The following CDH10 variants were observed in gnomAD, a reference collection of about 807,000 sequenced individuals.
CDH10 encodes cadherin-10.
In CDH10, 30 loss-of-function variants were observed where a neutral mutation model predicts 73.1. That is an observed-to-expected ratio of 0.41 (90% confidence interval 0.31 to 0.56). CDH10 has a LOEUF of 0.56. CDH10 is among the 20% of genes least tolerant of loss of function. The pLI, the probability that CDH10 is intolerant of heterozygous loss-of-function variation, is 0.27. For missense variants in CDH10, 815 were observed against 973.7 expected (o/e 0.84, Z 2.17); for synonymous variants, 345 against 348.2 (o/e 0.99, Z 0.10).
intron 8 of CDH10, among the ~76,000 whole-genome samples, chr5:24,501,942 G>A (rs1329438111): frequency 1.3e-5 from 2 of 151,404 alleles, no homozygotes; most frequent in South Asian, 2.1e-4. Flanking sequence ...TTTTTTAGAG[G>A]GAATCTCACT....
intron 7 of CDH10, among the ~76,000 whole-genome samples, chr5:24,508,437 A>C (rs1742775917): frequency 1.5e-5 from 2 of 136,650 alleles, no homozygotes. Context: ...ATAAATAAAC[A>C]TAAAACAGAA....
At chr5:24,525,009 T>C (rs1301700762) in intron 5 of CDH10, among the ~76,000 whole-genome samples, 1 of 152,108 alleles carries the variant, frequency 6.6e-6, no homozygotes, top group Non-Finnish European at 1.5e-5. Context: ...TACTGCCAAT[T>C]TGTGTACAAG....
chr5:24,635,598 G>A (rs1453903864), intron 1 of CDH10, among the ~76,000 whole-genome samples: 2 of 150,230 alleles, frequency 1.3e-5, no homozygotes, highest in East Asian at 2.0e-4. Context: ...TCCTCCTCTC[G>A]AGTCTTTCCT....
chr5:24,578,104 G>A (rs1376702362), intron 2 of CDH10, among the ~76,000 whole-genome samples: 7 of 152,152 alleles, frequency 4.6e-5, no homozygotes, highest in Non-Finnish European at 8.8e-5. Flanking sequence ...AGAGGGAGCA[G>A]AAGAGTGAAG....
intron 1 of CDH10, among the ~76,000 whole-genome samples, chr5:24,622,968 C>G (rs1290876357): frequency 2.0e-5 from 3 of 152,160 alleles, no homozygotes; most frequent in Non-Finnish European, 1.5e-5. Context: ...TATTTGACCT[C>G]AGTGGTAGCA....
chr5:24,545,848 T>C (rs1057077489), intron 2 of CDH10, among the ~76,000 whole-genome samples: 2 of 152,130 alleles, frequency 1.3e-5, no homozygotes, highest in African/African-American at 4.8e-5. Flanking sequence ...TTTCTGTAAC[T>C]GATTGAATGA....
chr5:24,608,287 G>A (rs1017465754), intron 1 of CDH10, among the ~76,000 whole-genome samples: 1 of 151,658 alleles, frequency 6.6e-6, no homozygotes, highest in African/African-American at 2.4e-5. Flanking sequence ...TTTACATTTT[G>A]AATGTTTTTT....
chr5:24,541,369 C>T (rs534632663), intron 2 of CDH10, among the ~76,000 whole-genome samples: 1 of 151,976 alleles, frequency 6.6e-6, no homozygotes, highest in South Asian at 2.1e-4. Context: ...TGTGCGTCTG[C>T]GGCACAATTT....
At chr5:24,529,825 C>T (rs183654555) in intron 5 of CDH10, among the ~76,000 whole-genome samples, 127 of 151,882 alleles carry the variant, frequency 8.4e-4, no homozygotes, top group African/African-American at 2.9e-3. Context: ...TATTTGTCAA[C>T]CTAAATTGTG....
intron 2 of CDH10, among the ~76,000 whole-genome samples, chr5:24,566,669 A>C (rs1327515325): frequency 6.6e-6 from 1 of 152,158 alleles, no homozygotes; most frequent in African/African-American, 2.4e-5. Context: ...ACAAACAAAA[A>C]AATCACCTAT....
chr5:24,612,746 G>A (rs924038999), intron 1 of CDH10: 6 of 152,098 alleles, frequency 3.9e-5, no homozygotes, highest in African/African-American at 9.7e-5. Context: ...TGTTTCATTT[G>A]TTCACATTTA....
At chr5:24,640,698 C>T (rs375888327) in intron 1 of CDH10, among the ~76,000 whole-genome samples, 1 of 151,760 alleles carries the variant, frequency 6.6e-6, no homozygotes, top group Non-Finnish European at 1.5e-5. Context: ...AGGAATGCTA[C>T]ATTTTATTTC....
intron 1 of CDH10, chr5:24,612,445 T>C (rs149292469): frequency 3.0e-4 from 46 of 152,324 alleles, no homozygotes; most frequent in African/African-American, 8.9e-4. Context: ...ATATACTTCT[T>C]TTCTGCATAT....
intron 1 of CDH10, among the ~76,000 whole-genome samples, chr5:24,630,110 T>C (rs1377269406): frequency 2.0e-5 from 3 of 151,976 alleles, no homozygotes; most frequent in Non-Finnish European, 4.4e-5. Flanking sequence ...GATCTTGGTT[T>C]TAAGAAAGTA....
At chr5:24,617,985 G>A (rs1206266260) in intron 1 of CDH10, among the ~76,000 whole-genome samples, 2 of 152,104 alleles carry the variant, frequency 1.3e-5, no homozygotes, top group Non-Finnish European at 2.9e-5. Context: ...AATGTTATGT[G>A]ATTTTATCTG....
At chr5:24,554,580 T>C (rs1272765820) in intron 2 of CDH10, among the ~76,000 whole-genome samples, 1 of 151,678 alleles carries the variant, frequency 6.6e-6, no homozygotes, top group Non-Finnish European at 1.5e-5. Flanking sequence ...ATTCAACTAG[T>C]TATATATCCT....
intron 5 of CDH10, among the ~76,000 whole-genome samples, chr5:24,530,016 C>CTTTTTTTTTTTTTT (rs34282847): frequency 8.2e-6 from 1 of 121,832 alleles, no homozygotes. Context: ...TCTATTTTTA[C>CTTTTTTTTTTTTTT]TTTTTTTTTT....
chr5:24,489,043 C>G (rs986863254), intron 11 of CDH10, among the ~76,000 whole-genome samples: 7 of 152,000 alleles, frequency 4.6e-5, no homozygotes, highest in African/African-American at 1.7e-4. Context: ...GTTTCTCACC[C>G]TTACTCATTA....
At chr5:24,616,881 A>C (rs562405187) in intron 1 of CDH10, among the ~76,000 whole-genome samples, 37 of 152,284 alleles carry the variant, frequency 2.4e-4, no homozygotes, top group African/African-American at 8.7e-4. Flanking sequence ...TATCTTATCA[A>C]TATATCTTTT....
Sources: allele counts gnomAD v4.1 joint callset (sites outside exome capture counted in the v4.1 genomes callset), GRCh38; gene constraint gnomAD v4.1.1; transcripts MANE v1.5; gene names NCBI Gene and HGNC (gene_info 2026-07-23, HGNC 2026-07-21).